Variants in RBM33 observed in about 807,000 individuals in gnomAD.
The protein encoded by RBM33 is RNA-binding protein 33.
RBM33 carries 28 observed loss-of-function variants against 132.6 expected under a neutral mutation model. That is an observed-to-expected ratio of 0.21 (90% CI 0.16 to 0.29). The LOEUF is 0.29. RBM33 is among the 10% of genes least tolerant of loss of function. RBM33 has a pLI of 1.00. For synonymous variants in RBM33, 634 were observed against 593.0 expected, an observed-to-expected ratio of 1.07 and a Z score of -1.01; for missense variants, 1,291 against 1,518.5, an observed-to-expected ratio of 0.85 and a Z score of 2.49.
chr7:155,695,245 C>CTA (rs1164303560), intron 5 of RBM33, among the ~76,000 whole-genome samples: 3 of 151,948 alleles, frequency 2.0e-5, no homozygotes, highest in Non-Finnish European at 4.4e-5. Context: ...TCTATATATG[C>CTA]TATATATATC....
chr7:155,716,222 C>G (rs1480878825), intron 8 of RBM33, among the ~76,000 whole-genome samples: 1 of 151,814 alleles, frequency 6.6e-6, no homozygotes, highest in African/African-American at 2.4e-5. Context: ...GAGGTGGCAT[C>G]TCTTGGGTGG....
intron 2 of RBM33, among the ~76,000 whole-genome samples, chr7:155,668,059 A>G (rs898345877): frequency 1.3e-5 from 2 of 152,100 alleles, no homozygotes; most frequent in African/African-American, 4.8e-5. Flanking sequence ...TACTATATCT[A>G]AAAAAATTCC....
chr7:155,647,350 T>C (rs1168350144), intron 1 of RBM33, among the ~76,000 whole-genome samples: 7 of 152,232 alleles, frequency 4.6e-5, no homozygotes, highest in Admixed American at 4.6e-4. Flanking sequence ...TTAGTATTTA[T>C]TGAATAAAAT....
intron 4 of RBM33, among the ~76,000 whole-genome samples, chr7:155,679,300 C>T (rs1182295319): frequency 3.3e-5 from 5 of 152,174 alleles, no homozygotes; most frequent in African/African-American, 9.7e-5. Context: ...TTCCTCTACT[C>T]GGATGGAGGG....
At chr7:155,668,720 T>G (rs1243318268) in intron 2 of RBM33, among the ~76,000 whole-genome samples, 2 of 152,246 alleles carry the variant, frequency 1.3e-5, no homozygotes, top group African/African-American at 4.8e-5. Flanking sequence ...TTTACCAAGT[T>G]TCAAACTAAG....
At position 155,739,832 on chromosome 7, in the gene RBM33, C is replaced by A; in HGVS notation, c.1855C>A (p.His619Asn). 3 of 1,319,272 alleles carry A rather than the reference C, an allele frequency of 2.3e-6. No homozygotes were observed. Among genetic ancestry groups the A allele is most frequent in the Non-Finnish European group, 3.1e-6 (3 of 955,310 alleles). The allele number at this position is 1,319,272 out of a possible 1,614,324, so 81.7% of individuals were successfully genotyped here. A position where few individuals can be genotyped will look rare whatever the true frequency, so the allele number is the denominator to read the frequency against. ...GCCCCCGCACCAGCCCCCGCCCCAG[C>A]ACCAGCCCCCACCCCAGCACCCACC... Reference protein sequence around the residue: ...HQPPHQPPPQHQPPPQHPPQH... With the variant: ...HQPPHQPPPQNQPPPQHPPQH... The change falls in exon 12 of 18, where the codon CAC (histidine) becomes AAC (asparagine). Residue 619 changes from histidine to asparagine, a missense_variant. Coordinates refer to ENST00000401878, the MANE Select transcript of RBM33 (RefSeq NM_053043.3).
Position 155,737,513 on chromosome 7 carries a change from T to C in RBM33, c.1261-17T>C. On this transcript the variant is annotated splice_polypyrimidine_tract_variant and intron_variant, in intron 9 of 17. Transcript: ENST00000401878. ...TGTCCTTCACCCTGTTTCTCTGTTG[T>C]TGTTGTTGTTCTTTAGGGCCCTCCA... 2 of 1,578,908 alleles carry C rather than the reference T, an allele frequency of 1.3e-6. No homozygotes were observed. Among genetic ancestry groups the C allele is most frequent in the Non-Finnish European group, 1.7e-6 (2 of 1,167,734 alleles).
At chr7:155,716,575 G>T (rs1210482665) in intron 8 of RBM33, among the ~76,000 whole-genome samples, 1 of 151,792 alleles carries the variant, frequency 6.6e-6, no homozygotes, top group Non-Finnish European at 1.5e-5. Context: ...TGAAGATCTG[G>T]GTGTCTTATA....
At chr7:155,656,974 T>C (rs1798509744) in intron 1 of RBM33, among the ~76,000 whole-genome samples, 1 of 152,018 alleles carries the variant, frequency 6.6e-6, no homozygotes, top group Non-Finnish European at 1.5e-5. Flanking sequence ...TTTTTTTTTT[T>C]TTGTCTTGTA....
At chr7:155,741,369 A>G (rs2117030625) in intron 12 of RBM33, among the ~76,000 whole-genome samples, 1 of 152,326 alleles carries the variant, frequency 6.6e-6, no homozygotes, top group African/African-American at 2.4e-5. Context: ...CATGTTTCTT[A>G]GGACATTGAC....
At chr7:155,758,023 C>T (rs534853880) in intron 14 of RBM33, among the ~76,000 whole-genome samples, 31 of 152,302 alleles carry the variant, frequency 2.0e-4, no homozygotes, top group Non-Finnish European at 1.2e-4. Flanking sequence ...CTAAGCCCCA[C>T]CTCCAGCACT....
At chr7:155,676,441 C>G (rs1348931210) in intron 3 of RBM33, among the ~76,000 whole-genome samples, 1 of 152,144 alleles carries the variant, frequency 6.6e-6, no homozygotes, top group Non-Finnish European at 1.5e-5. Context: ...TTCATAGATG[C>G]CTGTGTTGGA....
intron 5 of RBM33, among the ~76,000 whole-genome samples, chr7:155,698,795 G>A (rs1359276454): frequency 2.0e-5 from 3 of 152,130 alleles, no homozygotes; most frequent in African/African-American, 4.8e-5. Flanking sequence ...AGATTGACTT[G>A]TTTTACTCAG....
At chr7:155,686,475 TTTTC>T (rs899259570) in intron 5 of RBM33, among the ~76,000 whole-genome samples, 1 of 152,076 alleles carries the variant, frequency 6.6e-6, no homozygotes, top group African/African-American at 2.4e-5. Context: ...GTGGTATTTT[TTTTC>T]TTTTTTTTTT....
intron 5 of RBM33, among the ~76,000 whole-genome samples, chr7:155,700,430 G>C (rs534161968): frequency 1.6e-4 from 25 of 151,614 alleles, no homozygotes. Context: ...ACTATGATCT[G>C]TATTAAACTC....
At chr7:155,753,214 A>C (rs1483907034) in intron 14 of RBM33, among the ~76,000 whole-genome samples, 2 of 152,246 alleles carry the variant, frequency 1.3e-5, no homozygotes, top group Non-Finnish European at 2.9e-5. Flanking sequence ...AAAAGCATGA[A>C]TCATTACTAA....
intron 8 of RBM33, among the ~76,000 whole-genome samples, chr7:155,716,779 T>G (rs1050090469): frequency 7.9e-5 from 12 of 151,864 alleles, no homozygotes; most frequent in African/African-American, 1.7e-4. Context: ...GAGAGTTGGA[T>G]TCTATTTTAT....
chr7:155,705,303 T>A (rs533068964), intron 6 of RBM33, among the ~76,000 whole-genome samples: 2 of 152,372 alleles, frequency 1.3e-5, no homozygotes, highest in Non-Finnish European at 2.9e-5. Context: ...ACCATTTTAT[T>A]ACTGAGGATA....
intron 6 of RBM33, among the ~76,000 whole-genome samples, chr7:155,706,484 ACT>A (rs1324415584): frequency 4.7e-5 from 7 of 149,750 alleles, no homozygotes; most frequent in South Asian, 4.2e-4. Context: ...ACAAAGTGAG[ACT>A]CTGTCTCGGG....
Sources: allele counts gnomAD v4.1 joint callset (sites outside exome capture counted in the v4.1 genomes callset), GRCh38; gene constraint gnomAD v4.1.1; transcripts MANE v1.5; gene names NCBI Gene and HGNC (gene_info 2026-07-23, HGNC 2026-07-21).